Variants in DOCK3 observed in about 807,000 individuals in gnomAD.
The protein encoded by DOCK3 is dedicator of cytokinesis 3.
In DOCK3, 60 loss-of-function variants were observed where a neutral mutation model predicts 265.6. The observed-to-expected ratio is 0.23, with a 90% confidence interval of 0.18 to 0.28. DOCK3 has a LOEUF of 0.28. DOCK3 is among the 10% of genes least tolerant of loss of function. The probability of loss-of-function intolerance (pLI) is 1.00; values close to 1 mark genes in which losing one functional copy is unlikely to be tolerated. For missense variants in DOCK3, 1,981 were observed against 2,594.3 expected (o/e 0.76, Z 5.14); for synonymous variants, 881 against 938.0 (o/e 0.94, Z 1.11).
chr3:50,974,849 C>G (rs1006241210), intron 5 of DOCK3, among the ~76,000 whole-genome samples: 3 of 136,474 alleles, frequency 2.2e-5, no homozygotes, highest in Non-Finnish European at 4.8e-5. Context: ...TTGAAGAGGT[C>G]CTTCACATCC....
At chr3:50,919,990 T>C (rs2050350167) in intron 4 of DOCK3, among the ~76,000 whole-genome samples, 1 of 152,238 alleles carries the variant, frequency 6.6e-6, no homozygotes, top group Non-Finnish European at 1.5e-5. Flanking sequence ...AGGCCTTTTC[T>C]GCATCTATTG....
At chr3:51,364,625 T>C (rs1179136031) in intron 49 of DOCK3, among the ~76,000 whole-genome samples, 2 of 152,236 alleles carry the variant, frequency 1.3e-5, no homozygotes, top group African/African-American at 4.8e-5. Context: ...TAGGCTAACA[T>C]TTAAGTCTTT....
intron 2 of DOCK3, among the ~76,000 whole-genome samples, chr3:50,781,202 T>TA (rs2041894211): frequency 8.1e-6 from 1 of 122,746 alleles, no homozygotes; most frequent in South Asian, 2.5e-4. Flanking sequence ...GACCAAAAAA[T>TA]AAAAAATAAA....
At chr3:50,677,008 A>G (rs1441323562) in intron 1 of DOCK3, among the ~76,000 whole-genome samples, 2 of 152,234 alleles carry the variant, frequency 1.3e-5, no homozygotes, top group Non-Finnish European at 2.9e-5. Context: ...GTGAATCTCA[A>G]AGCACTAGGA....
chr3:51,219,388 T>C (rs903654829), intron 14 of DOCK3, among the ~76,000 whole-genome samples: 1 of 152,172 alleles, frequency 6.6e-6, no homozygotes, highest in Non-Finnish European at 1.5e-5. Context: ...TGGGGTATCA[T>C]GTACATATTA....
chr3:50,741,769 T>A (rs1268165874), intron 1 of DOCK3, among the ~76,000 whole-genome samples: 1 of 152,128 alleles, frequency 6.6e-6, no homozygotes, highest in Non-Finnish European at 1.5e-5. Context: ...GCATGATTTA[T>A]AGTCCTTTGG....
In DOCK3 at chr3:51,374,479, T is replaced by G. The variant is rs766802523; in HGVS notation, c.5304T>G (p.Ser1768=). ...CTCACTTGGTTACAGGCTCTCCCTCTCTGCCAGATAAGTACCGCCATGCCC... is the reference window on the plus strand; with the variant it reads ...CTCACTTGGTTACAGGCTCTCCCTCGCTGCCAGATAAGTACCGCCATGCCC... ...SAPSSARGSP[S]LPDKYRHARE... The change falls in exon 50 of 53, where the codon TCT becomes TCG. Residue 1768 remains serine (S), a synonymous_variant. Coordinates refer to ENST00000266037, the MANE Select transcript of DOCK3 (RefSeq NM_004947.5). This position sits in a 1 kb window ranked among gnomAD's most constrained non-coding sequence, Gnocchi z 4.8. 6.2e-7 allele frequency: 1 copy of G among 1,613,290 alleles called. No homozygotes were observed.
At chr3:51,009,575 G>A (rs574907646) in intron 5 of DOCK3, among the ~76,000 whole-genome samples, 1 of 152,186 alleles carries the variant, frequency 6.6e-6, no homozygotes, top group East Asian at 1.9e-4. Context: ...CCAGCTCCTG[G>A]ATTCATTGAA....
intron 12 of DOCK3, among the ~76,000 whole-genome samples, chr3:51,196,092 C>G (rs535157560): frequency 3.9e-4 from 47 of 121,848 alleles, no homozygotes; most frequent in Non-Finnish European, 7.0e-4. Flanking sequence ...CACTTCACCA[C>G]GCCCAGCTAA....
At chr3:51,183,890 A>G (rs766468044) in intron 12 of DOCK3, among the ~76,000 whole-genome samples, 3 of 152,216 alleles carry the variant, frequency 2.0e-5, no homozygotes, top group Non-Finnish European at 1.5e-5. Context: ...ATGTTCACAT[A>G]CATACATTAG....
chr3:51,124,793 C>T (rs2084189425), intron 9 of DOCK3, among the ~76,000 whole-genome samples: 1 of 152,036 alleles, frequency 6.6e-6, no homozygotes, highest in South Asian at 2.1e-4. Context: ...AAAATCTTGT[C>T]TCTGTAGCTT....
chr3:51,102,203 G>A (rs898474847), intron 9 of DOCK3, among the ~76,000 whole-genome samples: 6 of 152,148 alleles, frequency 3.9e-5, no homozygotes, highest in African/African-American at 1.4e-4. Context: ...CAGAGCCAGA[G>A]CATTTATTCA....
intron 7 of DOCK3, among the ~76,000 whole-genome samples, chr3:51,079,258 G>A (rs1043003490): frequency 1.3e-5 from 2 of 152,102 alleles, no homozygotes; most frequent in African/African-American, 4.8e-5. Context: ...CCATGCAAAT[G>A]TTGAATGATA....
At chr3:51,036,803 A>G (rs1006637735) in intron 5 of DOCK3, among the ~76,000 whole-genome samples, 1 of 152,134 alleles carries the variant, frequency 6.6e-6, no homozygotes, top group Admixed American at 6.6e-5. Flanking sequence ...GAGGTAATTG[A>G]ATCATGGGGT....
intron 21 of DOCK3, among the ~76,000 whole-genome samples, chr3:51,242,558 T>C (rs975761632): frequency 1.3e-5 from 2 of 152,098 alleles, no homozygotes; most frequent in African/African-American, 2.4e-5. Flanking sequence ...CTGGCAACTT[T>C]TGTGCAGTCA....
chr3:50,821,283 G>A (rs1455533830), intron 2 of DOCK3, among the ~76,000 whole-genome samples: 1 of 151,380 alleles, frequency 6.6e-6, no homozygotes, highest in Non-Finnish European at 1.5e-5. Context: ...GTATTTCCTA[G>A]GTTTTCTTCT....
intron 12 of DOCK3, among the ~76,000 whole-genome samples, chr3:51,178,457 C>T (rs969322302): frequency 6.6e-6 from 1 of 152,180 alleles, no homozygotes; most frequent in South Asian, 2.1e-4. Flanking sequence ...TTAAATTCAG[C>T]GTTCACACCC....
At chr3:51,181,297 C>A (rs554929602) in intron 12 of DOCK3, among the ~76,000 whole-genome samples, 4 of 105,922 alleles carry the variant, frequency 3.8e-5, no homozygotes, top group East Asian at 3.5e-4. Context: ...CTCCCCCCAC[C>A]CCACAACAGG....
chr3:51,133,488 T>C (rs1409476200), intron 9 of DOCK3, among the ~76,000 whole-genome samples: 1 of 152,124 alleles, frequency 6.6e-6, no homozygotes, highest in Admixed American at 6.5e-5. Context: ...ACAAAGGACA[T>C]GAACTCATCC....
Sources: allele counts gnomAD v4.1 joint callset (sites outside exome capture counted in the v4.1 genomes callset), GRCh38; gene constraint gnomAD v4.1.1; non-coding constraint Gnocchi (gnomAD v3.1); transcripts MANE v1.5; gene names NCBI Gene and HGNC (gene_info 2026-07-23, HGNC 2026-07-21).